DPP6: variants seen among roughly 807,000 people sequenced by gnomAD.
The protein encoded by DPP6 is A-type potassium channel modulatory protein DPP6.
DPP6 carries 69 observed loss-of-function variants against 122.6 expected under a neutral mutation model. That is an observed-to-expected ratio of 0.56 (90% CI 0.46 to 0.69). The LOEUF (loss-of-function observed/expected upper bound fraction) is 0.69, where lower values mean the gene tolerates loss of function less well. Among genes scored for constraint, DPP6 ranks in the 30% least tolerant of loss-of-function variants. The pLI, the probability that DPP6 is intolerant of heterozygous loss-of-function variation, is 0.00. For synonymous variants in DPP6, 418 were observed against 433.1 expected (o/e 0.97, Z 0.43); for missense variants, 928 against 1,116.9 (o/e 0.83, Z 2.41).
At chr7:154,885,498 T>C (rs1447502768) in intron 21 of DPP6, 135 bp from the exon 22 acceptor site, 1 of 1,282,426 alleles carries the variant, frequency 7.8e-7, no homozygotes, top group Non-Finnish European at 1.0e-6. Context: ...TGAACAACTT[T>C]CCAAGTGACA....
chr7:153,878,660 C>T, the DPP6 span, among the ~76,000 whole-genome samples: 2 of 151,882 alleles, frequency 1.3e-5, no homozygotes, highest in Non-Finnish European at 2.9e-5. Flanking sequence ...TTTGAGACAC[C>T]GCTTATCTTG....
chr7:154,756,060 G>A (rs1169017091), intron 8 of DPP6, among the ~76,000 whole-genome samples: 4 of 152,236 alleles, frequency 2.6e-5, no homozygotes, highest in African/African-American at 9.6e-5. Context: ...GTGGCTGCTG[G>A]CAGGACAGCG....
At chr7:154,377,682 T>C (rs1272941875) in intron 1 of DPP6, among the ~76,000 whole-genome samples, 1 of 151,994 alleles carries the variant, frequency 6.6e-6, no homozygotes, top group African/African-American at 2.4e-5. Flanking sequence ...TTGCTTCCCC[T>C]TCACCTTCCA....
chr7:153,805,330 C>T, the DPP6 span, among the ~76,000 whole-genome samples: 6 of 152,046 alleles, frequency 3.9e-5, no homozygotes, highest in Admixed American at 6.5e-5. Context: ...CCAAGGGCCC[C>T]GCAGAGAGTA....
chr7:153,872,351 G>A, the DPP6 span, among the ~76,000 whole-genome samples: 167 of 152,264 alleles, frequency 1.1e-3, 1 homozygote, highest in Middle Eastern at 0.01. Flanking sequence ...AATCAAACAA[G>A]TATGTAATAG....
At chr7:153,928,749 A>G (rs138845958) in intron 1 of DPP6, among the ~76,000 whole-genome samples, 76 of 152,264 alleles carry the variant, frequency 5.0e-4, no homozygotes, top group Non-Finnish European at 8.5e-4. Context: ...TGGGGGACAC[A>G]GACATTTGCA....
chr7:153,777,523 G>GGT, the DPP6 span, among the ~76,000 whole-genome samples: 1 of 115,978 alleles, frequency 8.6e-6, no homozygotes, highest in South Asian at 3.3e-4. Context: ...AAATAAGTGT[G>GGT]GTATATCCGT....
chr7:154,349,921 A>T (rs1315667936), intron 1 of DPP6, among the ~76,000 whole-genome samples: 1 of 152,264 alleles, frequency 6.6e-6, no homozygotes, highest in African/African-American at 2.4e-5. Context: ...TCACATGGGT[A>T]ATCCTTTGAG....
rs1807840431 is a variant in DPP6 at position 154,125,798 on chromosome 7, TG to T, written c.243+72738del. Reference sequence around the variant, plus strand: ...TGTGTTCAGAAGAACCTAGAGTTAATGGGCCACAAACAGATCATCTTCTGGC... The same window carrying T: ...TGTGTTCAGAAGAACCTAGAGTTAATGGCCACAAACAGATCATCTTCTGGC... On this transcript the variant is annotated intron_variant, in intron 1 of 25. Coordinates refer to ENST00000377770, the MANE Select transcript of DPP6 (RefSeq NM_130797.4). Among the ~76,000 whole-genome samples the T allele has an allele frequency of 4.6e-5, 7 of 152,308 alleles. No individual in the cohort carries two copies. In the South Asian group the frequency reaches 1.5e-3, roughly 32 times the overall value.
intron 4 of DPP6, among the ~76,000 whole-genome samples, chr7:154,558,894 T>A (rs946750070): frequency 2.0e-5 from 3 of 152,180 alleles, no homozygotes; most frequent in Non-Finnish European, 4.4e-5. Context: ...CCACAAATAA[T>A]TAATTGCCTG....
At chr7:154,496,381 C>T (rs944927203) in intron 3 of DPP6, among the ~76,000 whole-genome samples, 49 of 152,122 alleles carry the variant, frequency 3.2e-4, no homozygotes, top group African/African-American at 1.0e-3. Context: ...TAACTTGACC[C>T]GAAGGGGAGC....
chr7:154,289,086 C>T (rs1233840926), intron 1 of DPP6, among the ~76,000 whole-genome samples: 1 of 151,946 alleles, frequency 6.6e-6, no homozygotes, highest in African/African-American at 2.4e-5. Flanking sequence ...GACGATAATA[C>T]TAAACGGAAG....
intron 1 of DPP6, among the ~76,000 whole-genome samples, chr7:154,347,701 G>C (rs916550501): frequency 6.6e-6 from 1 of 152,188 alleles, no homozygotes; most frequent in African/African-American, 2.4e-5. Context: ...TAGAAGAATG[G>C]GTATTTTAGC....
At chr7:154,611,179 G>GT (rs143324096) in intron 5 of DPP6, among the ~76,000 whole-genome samples, 1,584 of 152,270 alleles carry the variant, frequency 0.01, 14 homozygotes, top group Non-Finnish European at 0.015. Context: ...ACTTGTACAT[G>GT]TTTTGACAAT....
chr7:154,009,958 T>G (rs1376267179), intron 1 of DPP6, among the ~76,000 whole-genome samples: 10 of 152,360 alleles, frequency 6.6e-5, no homozygotes, highest in South Asian at 4.1e-4. Flanking sequence ...TTAGCAAAAT[T>G]TATTTGCCTA....
intron 1 of DPP6, among the ~76,000 whole-genome samples, chr7:153,919,929 T>G (rs138787308): frequency 1.2e-3 from 177 of 152,352 alleles, no homozygotes; most frequent in African/African-American, 4.1e-3. Context: ...GATTGACTTT[T>G]CAGGTCCTAG....
At chr7:154,129,547 C>G (rs946530473) in intron 1 of DPP6, among the ~76,000 whole-genome samples, 1 of 152,180 alleles carries the variant, frequency 6.6e-6, no homozygotes, top group African/African-American at 2.4e-5. Flanking sequence ...CGGATTGCTT[C>G]AGCCCAGGCG....
chr7:154,224,071 A>G (rs1241870569), intron 1 of DPP6, among the ~76,000 whole-genome samples: 1 of 147,830 alleles, frequency 6.8e-6, no homozygotes, highest in Non-Finnish European at 1.5e-5. Context: ...CTGGGAGGAC[A>G]CTGCAGCCCA....
chr7:154,821,073 G>A lies in DPP6; in HGVS notation c.1666+13961G>A, dbSNP rs115140355. On this transcript the variant is annotated intron_variant, in intron 16 of 25. Coordinates refer to ENST00000377770, the MANE Select transcript of DPP6 (RefSeq NM_130797.4). This position sits in a 1 kb window ranked among gnomAD's most constrained non-coding sequence, Gnocchi z 4.2. ...CCTTCTGGCTACTGTACTTCAAGAT[G>A]TTCTCTGCAGAGGGTCATTTGGAAT... Among the ~76,000 whole-genome samples the A allele has an allele frequency of 7.6e-4, 115 of 152,232 alleles. 1 individual carries two copies. Among genetic ancestry groups the A allele is most frequent in the African/African-American group, 2.6e-3 (108 of 41,546 alleles).
Sources: allele counts gnomAD v4.1 joint callset (sites outside exome capture counted in the v4.1 genomes callset), GRCh38; gene constraint gnomAD v4.1.1; non-coding constraint Gnocchi (gnomAD v3.1); transcripts MANE v1.5; gene names NCBI Gene and HGNC (gene_info 2026-07-23, HGNC 2026-07-21).